Variants in CIMIP2C observed in about 807,000 individuals in gnomAD.
CIMIP2C encodes UPF0573 protein C2orf70.
At chr2:26,567,654 G>A in the CIMIP2C span, among the ~76,000 whole-genome samples, 4 of 152,194 alleles carry the variant, frequency 2.6e-5, no homozygotes, top group East Asian at 1.9e-4. Context: ...CCTGGCACCC[G>A]AGGTGCAGCC....
chr2:26,577,368 G>A, the CIMIP2C span: 7 of 691,250 alleles, frequency 1.0e-5, no homozygotes, highest in Non-Finnish European at 1.7e-5. Context: ...CAATTGAGTT[G>A]GGGCCCCAGC....
At chr2:26,563,283 C>T in the CIMIP2C span, among the ~76,000 whole-genome samples, 1 of 152,362 alleles carries the variant, frequency 6.6e-6, no homozygotes, top group East Asian at 1.9e-4. Context: ...TCTTGGAAAG[C>T]TTCCTGGCCA....
At chr2:26,571,947 A>C in the CIMIP2C span, among the ~76,000 whole-genome samples, 1 of 148,086 alleles carries the variant, frequency 6.8e-6, no homozygotes, top group South Asian at 2.2e-4. Flanking sequence ...GAAGAGAAAG[A>C]AACTGAAGTA....
chr2:26,574,674 G>A, the CIMIP2C span, among the ~76,000 whole-genome samples: 2 of 152,230 alleles, frequency 1.3e-5, no homozygotes, highest in Non-Finnish European at 2.9e-5. Flanking sequence ...GTTCACCAGT[G>A]TTTAAGAGGC....
At chr2:26,571,516 G>T in the CIMIP2C span, among the ~76,000 whole-genome samples, 1 of 152,198 alleles carries the variant, frequency 6.6e-6, no homozygotes, top group Admixed American at 6.5e-5. Flanking sequence ...GGGAAGGCAG[G>T]CTGAGCACCG....
the CIMIP2C span, among the ~76,000 whole-genome samples, chr2:26,577,068 T>C: frequency 1.3e-5 from 2 of 152,184 alleles, no homozygotes; most frequent in African/African-American, 2.4e-5. Context: ...CTCTGAGCCA[T>C]GTGCGACCAT....
the CIMIP2C span, among the ~76,000 whole-genome samples, chr2:26,571,078 T>C: frequency 6.6e-6 from 1 of 152,096 alleles, no homozygotes; most frequent in Admixed American, 6.5e-5. Context: ...CCCAGCCTTG[T>C]GTGGATCCAT....
At chr2:26,571,820 G>A in the CIMIP2C span, among the ~76,000 whole-genome samples, 2 of 152,114 alleles carry the variant, frequency 1.3e-5, no homozygotes, top group South Asian at 2.1e-4. Flanking sequence ...GGAGTGAATG[G>A]ACGGATGGAT....
At chr2:26,562,766 C>G in the CIMIP2C span, 1 of 1,271,404 alleles carries the variant, frequency 7.9e-7, no homozygotes, top group South Asian at 1.3e-5. Flanking sequence ...CCCCTGCCCC[C>G]GGACTTTGGG....
chr2:26,574,924 G>T, the CIMIP2C span, among the ~76,000 whole-genome samples: 1 of 152,256 alleles, frequency 6.6e-6, no homozygotes, highest in Non-Finnish European at 1.5e-5. Context: ...AGACCCCAGA[G>T]AGTGAGGCAT....
the CIMIP2C span, among the ~76,000 whole-genome samples, chr2:26,568,078 C>T: frequency 7.9e-5 from 12 of 152,174 alleles, no homozygotes; most frequent in Non-Finnish European, 1.8e-4. Context: ...GCACAGCAGG[C>T]ACTACTTTCG....
chr2:26,572,003 A>C, the CIMIP2C span: 111 of 1,082,304 alleles, frequency 1.0e-4, no homozygotes, highest in Non-Finnish European at 1.3e-4. Flanking sequence ...ATTCATCACA[A>C]GAGATATTAG....
the CIMIP2C span, chr2:26,575,985 G>T: frequency 6.2e-7 from 1 of 1,613,882 alleles, no homozygotes; most frequent in African/African-American, 1.3e-5. Context: ...CAGGACCACC[G>T]CAACAGAGCC....
At chr2:26,577,400 G>A in the CIMIP2C span, 26 of 927,892 alleles carry the variant, frequency 2.8e-5, no homozygotes, top group South Asian at 2.9e-4. Flanking sequence ...TCCTCCGGGG[G>A]CATTAGGGGA....
chr2:26,563,949 C>G, the CIMIP2C span, among the ~76,000 whole-genome samples: 1 of 152,122 alleles, frequency 6.6e-6, no homozygotes. Context: ...GCTGATTTAC[C>G]AGGTCATGGT....
the CIMIP2C span, among the ~76,000 whole-genome samples, chr2:26,569,100 G>T: frequency 2.6e-5 from 4 of 152,084 alleles, no homozygotes; most frequent in Non-Finnish European, 5.9e-5. Context: ...CAGTTCCATG[G>T]AGCGGGCAGG....
At chr2:26,563,421 T>C in the CIMIP2C span, among the ~76,000 whole-genome samples, 4 of 152,320 alleles carry the variant, frequency 2.6e-5, no homozygotes, top group East Asian at 7.7e-4. Context: ...TCCTGTTCTT[T>C]GGCTCTTTCT....
At chr2:26,578,977 T>G in the CIMIP2C span, 1 of 492,814 alleles carries the variant, frequency 2.0e-6, no homozygotes, top group Non-Finnish European at 4.1e-6. Context: ...CATTACTGCA[T>G]TTATTCCTCA....
the CIMIP2C span, among the ~76,000 whole-genome samples, chr2:26,574,208 A>T: frequency 6.6e-6 from 1 of 152,282 alleles, no homozygotes; most frequent in Admixed American, 6.5e-5. Context: ...GGGTCAGATC[A>T]CAGATGGCCT....
Sources: gnomAD v4.1 joint callset for allele counts (sites outside exome capture counted in the v4.1 genomes callset) on GRCh38, gnomAD v4.1.1 for gene constraint, MANE v1.5 for transcripts, NCBI Gene and HGNC (gene_info 2026-07-23, HGNC 2026-07-21) for gene names.